The following TENM2 variants were observed in gnomAD, a reference collection of about 807,000 sequenced individuals.
TENM2 encodes the protein teneurin transmembrane protein 2, also known as teneurin-2.
TENM2 carries 52 observed loss-of-function variants against 245.2 expected under a neutral mutation model. The observed-to-expected ratio is 0.21, with a 90% CI of 0.17 to 0.27. The LOEUF (loss-of-function observed/expected upper bound fraction) is 0.27, where lower values mean the gene tolerates loss of function less well. Among genes scored for constraint, TENM2 ranks in the 10% least tolerant of loss-of-function variants. The pLI is 1.00. For missense variants in TENM2, 3,046 were observed against 3,666.8 expected (o/e 0.83, Z 4.37); for synonymous variants, 1,363 against 1,438.9 (o/e 0.95, Z 1.19).
intron 2 of TENM2, among the ~76,000 whole-genome samples, chr5:167,511,221 C>A (rs1769932361): frequency 6.6e-6 from 1 of 152,066 alleles, no homozygotes; most frequent in African/African-American, 2.4e-5. Flanking sequence ...CATTGATTGT[C>A]CTCCAAGGAG....
At chr5:167,379,358 G>A (rs572450338) in intron 2 of TENM2, among the ~76,000 whole-genome samples, 1 of 152,230 alleles carries the variant, frequency 6.6e-6, no homozygotes, top group South Asian at 2.1e-4. Flanking sequence ...TGAGACATGA[G>A]GAATGAAGCC....
intron 4 of TENM2, among the ~76,000 whole-genome samples, chr5:167,959,741 T>C (rs1780854155): frequency 6.6e-6 from 1 of 152,198 alleles, no homozygotes; most frequent in African/African-American, 2.4e-5. Flanking sequence ...TTTGTTCCCT[T>C]GCTGGTGAGG....
chr5:167,198,348 G>C, the TENM2 span, among the ~76,000 whole-genome samples: 3 of 152,106 alleles, frequency 2.0e-5, no homozygotes, highest in Admixed American at 2.0e-4. Flanking sequence ...TTTCTGTGCA[G>C]TTCACAGAGT....
chr5:167,666,336 C>A, intron 2 of TENM2, among the ~76,000 whole-genome samples: 1 of 152,172 alleles, frequency 6.6e-6, no homozygotes, highest in Non-Finnish European at 1.5e-5. Context: ...GTGACAGTCT[C>A]AACCCCAAAC....
At chr5:167,780,789 G>A (rs115913271) in intron 2 of TENM2, among the ~76,000 whole-genome samples, 1,723 of 152,280 alleles carry the variant, frequency 0.011, 29 homozygotes, top group African/African-American at 0.04. Flanking sequence ...TCCTCTAGGA[G>A]CAATGATTCA....
In TENM2 at chr5:168,262,637, G is replaced by A. The variant is rs376593293; in HGVS notation, c.8152G>A (p.Gly2718Arg). 50 of 1,599,188 alleles carry A rather than the reference G, an allele frequency of 3.1e-5. No individual in the cohort carries two copies. The African/African-American group carries it at 3.9e-4, about 12-fold the overall frequency. Residue 2718 changes from glycine (G) to arginine (R), a missense_variant, in exon 29 of 29, where the codon GGG (glycine) becomes AGG (arginine). Coordinates refer to ENST00000518659, the Ensembl canonical transcript of TENM2. ...CAAGGAGCAGCAGAAAGCCAGGGAC[G>A]GGAGAGAGGGGAGCCGCCTGTGGAC...
chr5:167,789,484 T>A (rs1417182110), intron 2 of TENM2, among the ~76,000 whole-genome samples: 1 of 152,220 alleles, frequency 6.6e-6, no homozygotes, highest in Non-Finnish European at 1.5e-5. Context: ...ACATTTCTTC[T>A]CTGGATCGCC....
intron 4 of TENM2, among the ~76,000 whole-genome samples, chr5:167,979,673 A>G (rs995257101): frequency 4.6e-5 from 7 of 152,224 alleles, no homozygotes; most frequent in Admixed American, 4.6e-4. Flanking sequence ...GGAAATAATC[A>G]TGATTATAGC....
At chr5:167,943,043 C>T (rs928058572) in intron 3 of TENM2, among the ~76,000 whole-genome samples, 4 of 152,182 alleles carry the variant, frequency 2.6e-5, no homozygotes, top group Admixed American at 6.5e-5. Flanking sequence ...TGTTACTTGA[C>T]GTGACACCAG....
intron 2 of TENM2, among the ~76,000 whole-genome samples, chr5:167,739,526 A>C (rs1423901169): frequency 1.3e-5 from 2 of 152,122 alleles, no homozygotes; most frequent in Non-Finnish European, 2.9e-5. Context: ...CAACTCCCTA[A>C]ATGGGAAAAA....
chr5:167,258,676 CT>C, the TENM2 span, among the ~76,000 whole-genome samples: 1 of 151,992 alleles, frequency 6.6e-6, no homozygotes, highest in Non-Finnish European at 1.5e-5. Flanking sequence ...GGCCACTTTG[CT>C]TTTTTATTTA....
upstream of TENM2, among the ~76,000 whole-genome samples, chr5:167,283,785 A>G (rs1444625844): frequency 6.6e-6 from 1 of 152,196 alleles, no homozygotes; most frequent in Non-Finnish European, 1.5e-5. Flanking sequence ...ATAAGAGCCT[A>G]TGATTTGGAA....
At chr5:168,141,952 C>G (rs1012636980) in intron 12 of TENM2, among the ~76,000 whole-genome samples, 1 of 152,200 alleles carries the variant, frequency 6.6e-6, no homozygotes, top group Non-Finnish European at 1.5e-5. Context: ...CTGGAGCCAT[C>G]TCTGTCTTAG....
At chr5:166,984,398 A>T in the TENM2 span, among the ~76,000 whole-genome samples, 1 of 152,080 alleles carries the variant, frequency 6.6e-6, no homozygotes, top group Non-Finnish European at 1.5e-5. Context: ...TTTAAATGTC[A>T]TTTTTATTAT....
At chr5:167,146,337 T>A in the TENM2 span, among the ~76,000 whole-genome samples, 1 of 152,148 alleles carries the variant, frequency 6.6e-6, no homozygotes, top group South Asian at 2.1e-4. Context: ...ATGCCCCAGG[T>A]GAGTTGATGA....
the TENM2 span, among the ~76,000 whole-genome samples, chr5:167,257,387 C>T: frequency 6.6e-6 from 1 of 151,866 alleles, no homozygotes; most frequent in Non-Finnish European, 1.5e-5. Flanking sequence ...TTTGGACAAC[C>T]AATTGTTTCC....
chr5:167,346,716 G>A (rs766560099), intron 1 of TENM2, among the ~76,000 whole-genome samples: 16 of 152,068 alleles, frequency 1.1e-4, no homozygotes, highest in Non-Finnish European at 1.6e-4. Flanking sequence ...AGTTTTGTAC[G>A]CACAGCAAGG....
chr5:168,071,774 G>A (rs1156886854), intron 7 of TENM2, among the ~76,000 whole-genome samples: 1 of 152,086 alleles, frequency 6.6e-6, no homozygotes, highest in Non-Finnish European at 1.5e-5. Context: ...ATACATCAAG[G>A]TGTTATAATA....
intron 2 of TENM2, among the ~76,000 whole-genome samples, chr5:167,811,547 T>A (rs541165946): frequency 6.6e-6 from 1 of 152,252 alleles, no homozygotes; most frequent in South Asian, 2.1e-4. Flanking sequence ...CCTCTTTTTT[T>A]AATAAATTAC....
Sources: gnomAD v4.1 joint callset for allele counts (sites outside exome capture counted in the v4.1 genomes callset) on GRCh38, gnomAD v4.1.1 for gene constraint, MANE v1.5 for transcripts, NCBI Gene and HGNC (gene_info 2026-07-23, HGNC 2026-07-21) for gene names.